Variants in GALNTL6 observed in about 807,000 individuals in gnomAD.
GALNTL6 encodes polypeptide N-acetylgalactosaminyltransferase-like 6.
A neutral mutation model predicts 73.7 loss-of-function variants in GALNTL6; 46 were observed. The observed-to-expected ratio is 0.62, with a 90% confidence interval of 0.49 to 0.80. The LOEUF (loss-of-function observed/expected upper bound fraction) is 0.80, where lower values mean the gene tolerates loss of function less well. Ranked by LOEUF, GALNTL6 falls within the 30% of genes least tolerant of loss-of-function variation. The pLI, the probability that GALNTL6 is intolerant of heterozygous loss-of-function variation, is 0.00. For missense variants in GALNTL6, 604 were observed against 755.0 expected (o/e 0.80, Z 2.34); for synonymous variants, 259 against 263.7 (o/e 0.98, Z 0.17).
intron 5 of GALNTL6, among the ~76,000 whole-genome samples, chr4:172,376,413 G>A (rs73868985): frequency 0.13 from 19,797 of 152,016 alleles, 1,297 homozygotes; most frequent in East Asian, 0.17. Flanking sequence ...TCGGCACCCC[G>A]GAGCTGAATG....
intron 5 of GALNTL6, among the ~76,000 whole-genome samples, chr4:172,731,125 T>TGGTATATGGTA (rs1312313368): frequency 3.3e-5 from 5 of 151,936 alleles, no homozygotes; most frequent in Non-Finnish European, 5.9e-5. Flanking sequence ...AGGATTGATA[T>TGGTATATGGTA]TAGTTCTTCT....
rs189285352 is a variant in GALNTL6 at position 172,795,497 on chromosome 4, G to A, written c.554-13864G>A. ...TACTGCAAGTTTTCTGACTTCCATAGCAAATGAAGACAAAGTTTTCAGTCT... is the reference window on the plus strand; with the variant it reads ...TACTGCAAGTTTTCTGACTTCCATAACAAATGAAGACAAAGTTTTCAGTCT... On this transcript the variant is annotated intron_variant, in intron 5 of 12. Coordinates refer to ENST00000506823, the MANE Select transcript of GALNTL6 (RefSeq NM_001034845.3). 1.2e-3 allele frequency among the ~76,000 whole-genome samples: 184 copies of A among 152,150 alleles called. 1 individual carries two copies. The highest frequency in any genetic ancestry group is 4.1e-3 in the African/African-American group (170 of 41,524).
At chr4:172,699,709 G>T (rs1733914773) in intron 5 of GALNTL6, among the ~76,000 whole-genome samples, 1 of 152,186 alleles carries the variant, frequency 6.6e-6, no homozygotes, top group African/African-American at 2.4e-5. Flanking sequence ...GTTAAGATTT[G>T]CAGTAGATTT....
chr4:171,952,842 C>A (rs1002479096), intron 2 of GALNTL6, among the ~76,000 whole-genome samples: 3 of 145,372 alleles, frequency 2.1e-5, no homozygotes, highest in Non-Finnish European at 4.5e-5. Flanking sequence ...ATTTAATTAG[C>A]TTTAGAAAGT....
At chr4:171,972,064 C>A (rs1009449318) in intron 2 of GALNTL6, among the ~76,000 whole-genome samples, 3 of 152,128 alleles carry the variant, frequency 2.0e-5, no homozygotes, top group Non-Finnish European at 2.9e-5. Flanking sequence ...AAGCAAGACC[C>A]ATTGTGTGAG....
intron 5 of GALNTL6, among the ~76,000 whole-genome samples, chr4:172,592,821 C>T (rs1436044741): frequency 6.6e-6 from 1 of 152,098 alleles, no homozygotes; most frequent in Non-Finnish European, 1.5e-5. Flanking sequence ...TTGAGTTTGA[C>T]ATTTTGATAT....
chr4:172,708,973 T>A (rs112517778), intron 5 of GALNTL6, among the ~76,000 whole-genome samples: 1 of 152,180 alleles, frequency 6.6e-6, no homozygotes, highest in Non-Finnish European at 1.5e-5. Flanking sequence ...AGAAAAAAAA[T>A]TGCTGAGTTC....
chr4:172,920,968 G>A (rs1361887806), intron 8 of GALNTL6, among the ~76,000 whole-genome samples: 3 of 152,198 alleles, frequency 2.0e-5, no homozygotes, highest in African/African-American at 7.2e-5. Context: ...AAAGGGTGAT[G>A]AGTACTGAGA....
chr4:171,960,062 G>T (rs1463345005), intron 2 of GALNTL6, among the ~76,000 whole-genome samples: 4 of 152,204 alleles, frequency 2.6e-5, no homozygotes, highest in Admixed American at 2.0e-4. Context: ...AGTGAGGACA[G>T]ATTATCACTG....
At chr4:172,217,165 A>C (rs1736521888) in intron 2 of GALNTL6, among the ~76,000 whole-genome samples, 1 of 152,102 alleles carries the variant, frequency 6.6e-6, no homozygotes, top group African/African-American at 2.4e-5. Flanking sequence ...TAATCTCTTC[A>C]GGATTGGGAG....
intron 3 of GALNTL6, among the ~76,000 whole-genome samples, chr4:172,303,026 G>C (rs1413980566): frequency 4.0e-5 from 6 of 151,852 alleles, no homozygotes; most frequent in Admixed American, 3.9e-4. Context: ...TTGAAATGGA[G>C]TCTCACTCTG....
At chr4:172,428,012 G>T (rs1233431634) in intron 5 of GALNTL6, among the ~76,000 whole-genome samples, 1 of 152,082 alleles carries the variant, frequency 6.6e-6, no homozygotes, top group Non-Finnish European at 1.5e-5. Flanking sequence ...TCTATTTGTT[G>T]TCTGGGTATT....
At position 172,052,695 on chromosome 4, in the gene GALNTL6, C is replaced by A. The variant is rs149364433; in HGVS notation, c.139-176961C>A. Among the ~76,000 whole-genome samples the A allele has an allele frequency of 2.6e-5, 4 of 152,204 alleles. No homozygotes were observed. The East Asian group carries it at 7.7e-4, about 29-fold the overall frequency. ...CCCAGGGTAGACAAGGTTAGCTTTG[C>A]TATCACTTTGTATTTGGAATTGATT... On this transcript the variant is annotated intron_variant, in intron 2 of 12. Coordinates refer to ENST00000506823, the MANE Select transcript of GALNTL6 (RefSeq NM_001034845.3).
intron 2 of GALNTL6, among the ~76,000 whole-genome samples, chr4:171,990,935 C>T (rs1740314104): frequency 6.6e-6 from 1 of 152,020 alleles, no homozygotes; most frequent in African/African-American, 2.4e-5. Context: ...CTATGCAATA[C>T]AAGAAGAAAA....
chr4:172,899,119 C>T (rs1746486843), intron 8 of GALNTL6, among the ~76,000 whole-genome samples: 2 of 152,152 alleles, frequency 1.3e-5, no homozygotes, highest in Non-Finnish European at 2.9e-5. Context: ...TTTTTGGAGA[C>T]GTGAGTCCAC....
chr4:171,946,238 A>G (rs939129718), intron 2 of GALNTL6, among the ~76,000 whole-genome samples: 2 of 152,208 alleles, frequency 1.3e-5, no homozygotes, highest in Non-Finnish European at 2.9e-5. Context: ...CAAAATCAAA[A>G]TGTCAGAGTC....
intron 5 of GALNTL6, among the ~76,000 whole-genome samples, chr4:172,349,823 A>T (rs1352675276): frequency 3.4e-5 from 1 of 29,774 alleles, no homozygotes; most frequent in Non-Finnish European, 8.5e-5. Context: ...GTCTCAAATT[A>T]AAAAAAAATA....
At chr4:172,467,005 C>G (rs1732848097) in intron 5 of GALNTL6, among the ~76,000 whole-genome samples, 2 of 152,158 alleles carry the variant, frequency 1.3e-5, no homozygotes, top group Admixed American at 6.5e-5. Flanking sequence ...TATTAACTGT[C>G]TGGGAGGATG....
At chr4:172,879,517 T>C (rs1745350695) in intron 7 of GALNTL6, among the ~76,000 whole-genome samples, 1 of 151,858 alleles carries the variant, frequency 6.6e-6, no homozygotes, top group African/African-American at 2.4e-5. Context: ...GTTATATACT[T>C]CTATATAACA....
Sources: allele counts gnomAD v4.1 joint callset (sites outside exome capture counted in the v4.1 genomes callset), GRCh38; gene constraint gnomAD v4.1.1; transcripts MANE v1.5; gene names NCBI Gene and HGNC (gene_info 2026-07-23, HGNC 2026-07-21).